OPCML: variants seen among roughly 807,000 people sequenced by gnomAD.
The protein encoded by OPCML is opioid-binding protein/cell adhesion molecule.
OPCML carries 13 observed loss-of-function variants against 37.8 expected under a neutral mutation model. The observed-to-expected ratio is 0.34, with a 90% CI of 0.22 to 0.55. The LOEUF is 0.55. Among genes scored for constraint, OPCML ranks in the 20% least tolerant of loss-of-function variants. The pLI is 0.91. For synonymous variants in OPCML, 176 were observed against 168.8 expected, an observed-to-expected ratio of 1.04 and a Z score of -0.33; for missense variants, 341 against 435.6, an observed-to-expected ratio of 0.78 and a Z score of 1.93.
At chr11:132,435,217 T>C (rs2096009030) in intron 7 of OPCML, 1 of 1,289,664 alleles carries the variant, frequency 7.8e-7, no homozygotes, top group African/African-American at 1.5e-5. Context: ...GCACACACAA[T>C]GCAGAGAGAA....
At chr11:133,242,920 GA>G (rs1450798650) in intron 1 of OPCML, among the ~76,000 whole-genome samples, 1 of 152,100 alleles carries the variant, frequency 6.6e-6, no homozygotes, top group African/African-American at 2.4e-5. Context: ...ATACATTTTA[GA>G]AAAAAATAGT....
At chr11:132,436,319 C>T (rs1490202786) in intron 6 of OPCML, 82 bp from the exon 7 acceptor site, 21 of 1,606,756 alleles carry the variant, frequency 1.3e-5, no homozygotes, top group Non-Finnish European at 1.7e-5. Context: ...CAACTAATCT[C>T]GTCCTTCAAA....
At chr11:132,846,630 C>T (rs1482610128) in intron 2 of OPCML, among the ~76,000 whole-genome samples, 1 of 152,174 alleles carries the variant, frequency 6.6e-6, no homozygotes, top group Admixed American at 6.5e-5. Flanking sequence ...TGATCTAGTC[C>T]ATAACCTAGC....
intron 1 of OPCML, among the ~76,000 whole-genome samples, chr11:133,125,463 A>C (rs1296729177): frequency 6.6e-6 from 1 of 151,696 alleles, no homozygotes; most frequent in African/African-American, 2.4e-5. Context: ...CAAAGCCTGC[A>C]AGATATTTAT....
intron 1 of OPCML, among the ~76,000 whole-genome samples, chr11:133,228,119 G>A (rs539999135): frequency 1.5e-4 from 23 of 152,178 alleles, no homozygotes; most frequent in Non-Finnish European, 3.1e-4. Context: ...TGCTGGCTCT[G>A]AATAATTGCG....
chr11:132,719,825 G>A (rs1944617928), intron 2 of OPCML, among the ~76,000 whole-genome samples: 1 of 152,236 alleles, frequency 6.6e-6, no homozygotes, highest in Non-Finnish European at 1.5e-5. Flanking sequence ...GGTTCTGCCA[G>A]TTGCTGCACA....
At chr11:133,251,001 G>T (rs1310294495) in intron 1 of OPCML, among the ~76,000 whole-genome samples, 1 of 152,134 alleles carries the variant, frequency 6.6e-6, no homozygotes, top group Admixed American at 6.5e-5. Flanking sequence ...AAGGACTCCG[G>T]CATGCTGAGG....
intron 3 of OPCML, among the ~76,000 whole-genome samples, chr11:132,645,434 A>G (rs1005371497): frequency 3.9e-5 from 6 of 152,188 alleles, no homozygotes; most frequent in African/African-American, 1.4e-4. Flanking sequence ...ACATTTTGCT[A>G]TTATTTTTAT....
At chr11:133,161,712 A>T (rs1462793625) in intron 1 of OPCML, among the ~76,000 whole-genome samples, 1 of 152,212 alleles carries the variant, frequency 6.6e-6, no homozygotes, top group Admixed American at 6.5e-5. Flanking sequence ...ATGTATGTGT[A>T]TATGTATATA....
intron 3 of OPCML, among the ~76,000 whole-genome samples, chr11:132,577,369 A>G (rs989298129): frequency 7.2e-5 from 11 of 152,154 alleles, no homozygotes; most frequent in African/African-American, 2.7e-4. Flanking sequence ...CTTTAATTTT[A>G]TGTAATTTTT....
At chr11:132,986,554 C>G (rs1015068074) in intron 1 of OPCML, among the ~76,000 whole-genome samples, 1 of 152,002 alleles carries the variant, frequency 6.6e-6, no homozygotes, top group Middle Eastern at 3.2e-3. Context: ...TTTGCCTGGA[C>G]CATAATAGGT....
intron 3 of OPCML, among the ~76,000 whole-genome samples, chr11:132,608,934 T>A (rs1271420379): frequency 6.6e-6 from 1 of 152,190 alleles, no homozygotes. Context: ...TTCTTTCTTT[T>A]CATTGCCACC....
intron 1 of OPCML, among the ~76,000 whole-genome samples, chr11:133,099,578 C>T (rs1949057104): frequency 1.3e-5 from 2 of 151,616 alleles, no homozygotes; most frequent in South Asian, 4.2e-4. Context: ...TGAGCCACCT[C>T]GCCTGGCCTG....
Position 133,005,713 on chromosome 11 carries a change from T to A in OPCML, c.62-62703A>T, listed in dbSNP as rs113710391. 2.8e-3 allele frequency: 2,689 copies of A among 977,774 alleles called. 9 individuals carry two copies. Among genetic ancestry groups the A allele is most frequent in the Middle Eastern group, 5.3e-3 (10 of 1,894 alleles). The allele number at this position is 977,774 out of a possible 1,614,324, so 60.6% of individuals were successfully genotyped here. Reference sequence around the variant, plus strand: ...ATGCATCTAATCCAGATTTTTCTTATCTTTTCTGTTAATTCTTTTTAAAAA... The same window carrying A: ...ATGCATCTAATCCAGATTTTTCTTAACTTTTCTGTTAATTCTTTTTAAAAA... On this transcript the variant is annotated intron_variant, in intron 1 of 7. Transcript: ENST00000524381.
At chr11:133,368,249 G>T (rs570244527) in intron 1 of OPCML, among the ~76,000 whole-genome samples, 9 of 146,678 alleles carry the variant, frequency 6.1e-5, no homozygotes, top group Non-Finnish European at 1.3e-4. Context: ...GGTGAGGTGG[G>T]GGGGGGAAGG....
At chr11:132,990,342 C>T (rs555412118) in intron 1 of OPCML, among the ~76,000 whole-genome samples, 5 of 152,300 alleles carry the variant, frequency 3.3e-5, no homozygotes, top group Admixed American at 1.3e-4. Context: ...GCTCCTATAG[C>T]GTCAATCTCA....
chr11:132,835,944 T>C (rs1940978166), intron 2 of OPCML, among the ~76,000 whole-genome samples: 1 of 152,160 alleles, frequency 6.6e-6, no homozygotes. Context: ...AATATCCATT[T>C]TTGTTGTTGT....
At chr11:133,032,383 G>T (rs1290285745) in intron 1 of OPCML, among the ~76,000 whole-genome samples, 1 of 152,138 alleles carries the variant, frequency 6.6e-6, no homozygotes, top group Non-Finnish European at 1.5e-5. Flanking sequence ...TGACTTTATT[G>T]GTGGGCTCAG....
At chr11:133,131,903 T>C (rs1208311583) in intron 1 of OPCML, among the ~76,000 whole-genome samples, 1 of 152,198 alleles carries the variant, frequency 6.6e-6, no homozygotes, top group African/African-American at 2.4e-5. Context: ...AAAAATTGCA[T>C]ATCCATATGC....
Sources: allele counts gnomAD v4.1 joint callset (sites outside exome capture counted in the v4.1 genomes callset), GRCh38; gene constraint gnomAD v4.1.1; transcripts MANE v1.5; gene names NCBI Gene and HGNC (gene_info 2026-07-23, HGNC 2026-07-21).